The following RP1 variants were observed in gnomAD, a reference collection of about 807,000 sequenced individuals.
RP1 encodes the protein oxygen-regulated protein 1.
RP1 carries 16 observed loss-of-function variants against 14.8 expected under a neutral mutation model. That is an observed-to-expected ratio of 1.08 (90% confidence interval 0.73 to 1.65). RP1 has a LOEUF of 1.65. RP1 is among the 40% of genes most tolerant of loss of function. The pLI, the probability that RP1 is intolerant of heterozygous loss-of-function variation, is 0.00. For missense variants in RP1, 2,631 were observed against 2,535.0 expected, an observed-to-expected ratio of 1.04 and a Z score of -0.81; for synonymous variants, 876 against 883.6, an observed-to-expected ratio of 0.99 and a Z score of 0.15.
At chr8:54,859,401 A>C (rs1585754131) in intron 27 of RP1, among the ~76,000 whole-genome samples, 1 of 149,012 alleles carries the variant, frequency 6.7e-6, no homozygotes, top group East Asian at 2.0e-4. Context: ...GTATCACTGT[A>C]GGTGGTGTCA....
intron 25 of RP1, among the ~76,000 whole-genome samples, chr8:54,847,574 A>G (rs1023835627): frequency 2.1e-4 from 32 of 152,216 alleles, no homozygotes; most frequent in Admixed American, 1.1e-3. Context: ...TGGCTCTCTG[A>G]GACGAGGCCA....
At chr8:54,621,920 C>T (rs566017974) in intron 2 of RP1, among the ~76,000 whole-genome samples, 197 bp from the exon 3 acceptor site, 1 of 152,256 alleles carries the variant, frequency 6.6e-6, no homozygotes. Flanking sequence ...CCTGCTGGGA[C>T]GTAACTGACT....
rs184715342 is a variant in RP1, at chr8:54,609,171, C to T, written c.-12-11784C>T. 1.1e-3 allele frequency among the ~76,000 whole-genome samples: 174 copies of T among 152,256 alleles called. 1 individual carries two copies. Among genetic ancestry groups the T allele is most frequent in the African/African-American group, 3.7e-3 (155 of 41,540 alleles). ...GCAAGAGCCAGGAAAGAACAGTCTCCTGGCCAGCCTGCATTGGGTGCTGCT... is the reference window on the plus strand; with the variant it reads ...GCAAGAGCCAGGAAAGAACAGTCTCTTGGCCAGCCTGCATTGGGTGCTGCT... On this transcript the variant is annotated intron_variant, in intron 1 of 22. Coordinates refer to the RP1 transcript ENST00000636932.
chr8:54,807,668 A>ATCTG, intron 24 of RP1, among the ~76,000 whole-genome samples: 1 of 54,318 alleles, frequency 1.8e-5, no homozygotes, highest in Non-Finnish European at 3.3e-5. Flanking sequence ...CTATCTATCT[A>ATCTG]TCTATCTATT....
At chr8:54,562,945 T>G (rs1447545552) in intron 1 of RP1, among the ~76,000 whole-genome samples, 1 of 152,196 alleles carries the variant, frequency 6.6e-6, no homozygotes, top group Non-Finnish European at 1.5e-5. Flanking sequence ...ATGCAGTTGC[T>G]GGTCAACCAG....
chr8:54,600,064 A>T (rs540756739), intron 1 of RP1, among the ~76,000 whole-genome samples: 29 of 152,262 alleles, frequency 1.9e-4, no homozygotes, highest in Non-Finnish European at 3.4e-4. Flanking sequence ...CTGTGTCTTC[A>T]TCCAAATCTC....
At position 54,843,334 on chromosome 8, in the gene RP1, G is replaced by A. The variant is rs148337887; in HGVS notation, c.3835+5665G>A. Among the ~76,000 whole-genome samples the A allele has an allele frequency of 6.8e-3, 1,030 of 152,164 alleles. 15 individuals are homozygous for A. Among genetic ancestry groups the A allele is most frequent in the African/African-American group, 0.023 (972 of 41,514 alleles). ...TGACCTCAGGTGATCCACCCGCTTC[G>A]GCCTCCCAAAAGGCTGGGATTACAG... On this transcript the variant is annotated intron_variant, in intron 25 of 28. Coordinates refer to the RP1 transcript ENST00000637698.
At chr8:54,814,480 G>A (rs1016927119) in intron 24 of RP1, among the ~76,000 whole-genome samples, 2 of 152,160 alleles carry the variant, frequency 1.3e-5, no homozygotes, top group African/African-American at 4.8e-5. Context: ...AAGCCATAAT[G>A]GATAATCATT....
In RP1 at chr8:54,866,656, A is replaced by G. The variant is rs185889293; in HGVS notation, c.4151+740A>G. Among the ~76,000 whole-genome samples, 386 of 152,324 alleles carry G rather than the reference A, an allele frequency of 2.5e-3. 1 individual carries two copies. Among genetic ancestry groups the G allele is most frequent in the African/African-American group, 8.4e-3 (349 of 41,584 alleles). ...TGATCCATTTGATCAGTCATTATGCAAGTAGTAATTGACCACCCACCATAT... is the reference window on the plus strand; with the variant it reads ...TGATCCATTTGATCAGTCATTATGCGAGTAGTAATTGACCACCCACCATAT... On this transcript the variant is annotated intron_variant, in intron 28 of 28. Transcript: ENST00000637698.
chr8:54,604,827 T>G (rs1376604180), intron 1 of RP1, among the ~76,000 whole-genome samples: 2 of 152,100 alleles, frequency 1.3e-5, no homozygotes, highest in Non-Finnish European at 2.9e-5. Context: ...TATTTTCATA[T>G]AGGTGTTTAT....
chr8:54,800,769 A>C (rs962264835), intron 24 of RP1, among the ~76,000 whole-genome samples: 2 of 152,116 alleles, frequency 1.3e-5, no homozygotes, highest in Non-Finnish European at 2.9e-5. Flanking sequence ...CACATCTTCC[A>C]TTAGAGGTTT....
chr8:54,794,559 C>A (rs1408114783), intron 24 of RP1, among the ~76,000 whole-genome samples: 2 of 151,496 alleles, frequency 1.3e-5, no homozygotes, highest in Admixed American at 1.3e-4. Context: ...TGAAATTGGA[C>A]CCATGTCTTA....
intron 25 of RP1, among the ~76,000 whole-genome samples, chr8:54,847,123 G>T (rs966848359): frequency 6.6e-6 from 1 of 152,120 alleles, no homozygotes; most frequent in African/African-American, 2.4e-5. Flanking sequence ...AGTCAGAGAC[G>T]CCAGGGAGGG....
At chr8:54,846,497 C>T (rs1175583638) in intron 25 of RP1, among the ~76,000 whole-genome samples, 1 of 152,208 alleles carries the variant, frequency 6.6e-6, no homozygotes, top group Non-Finnish European at 1.5e-5. Context: ...CATTTGGTAA[C>T]ACTCATCAAA....
At chr8:54,622,342 C>T (rs2129314842) in intron 3 of RP1, 54 bp downstream of exon 3, 8 of 1,551,546 alleles carry the variant, frequency 5.2e-6, no homozygotes, top group Middle Eastern at 2.1e-4. Context: ...ATTTTTTTTG[C>T]CTCAAGGACG....
At chr8:54,805,440 C>A (rs1810824758) in intron 24 of RP1, among the ~76,000 whole-genome samples, 1 of 152,064 alleles carries the variant, frequency 6.6e-6, no homozygotes, top group Non-Finnish European at 1.5e-5. Context: ...GAAATAGATA[C>A]CACAATAAAA....
chr8:54,585,817 G>C (rs1020212159), intron 1 of RP1, among the ~76,000 whole-genome samples: 1 of 152,132 alleles, frequency 6.6e-6, no homozygotes, highest in Admixed American at 6.5e-5. Flanking sequence ...CATTCATCAC[G>C]TAGTTCTCGT....
intron 1 of RP1, among the ~76,000 whole-genome samples, chr8:54,590,572 G>A (rs1162501190): frequency 6.6e-6 from 1 of 152,024 alleles, no homozygotes; most frequent in Non-Finnish European, 1.5e-5. Context: ...AGTTTCTTTT[G>A]GAAGCTCTCC....
intron 24 of RP1, among the ~76,000 whole-genome samples, chr8:54,804,246 TA>T (rs1374715731): frequency 2.6e-5 from 4 of 152,060 alleles, no homozygotes; most frequent in Admixed American, 6.5e-5. Context: ...TTTATATAAT[TA>T]AAAAAATTAA....
Sources: allele counts gnomAD v4.1 joint callset (sites outside exome capture counted in the v4.1 genomes callset), GRCh38; gene constraint gnomAD v4.1.1; transcripts MANE v1.5; gene names NCBI Gene and HGNC (gene_info 2026-07-23, HGNC 2026-07-21).